SLC9B1: variants seen among roughly 807,000 people sequenced by gnomAD.
SLC9B1 encodes the protein solute carrier family 9 member B1, also known as sodium/hydrogen exchanger 9B1.
SLC9B1 carries 32 observed loss-of-function variants against 51.7 expected under a neutral mutation model. The observed-to-expected ratio is 0.62, with a 90% CI of 0.47 to 0.83. The LOEUF (loss-of-function observed/expected upper bound fraction) is 0.83. Ranked by LOEUF, SLC9B1 falls within the 40% of genes least tolerant of loss-of-function variation. The pLI is 0.00. For missense variants in SLC9B1, 406 were observed against 613.2 expected (o/e 0.66, Z 3.57); for synonymous variants, 145 against 212.7 (o/e 0.68, Z 2.77).
At chr4:102,957,783 T>C (rs564931276) in intron 3 of SLC9B1, among the ~76,000 whole-genome samples, 3 of 139,550 alleles carry the variant, frequency 2.1e-5, no homozygotes, top group South Asian at 2.2e-4. Context: ...TGTGTGTATA[T>C]GTGTGTGTGT....
intron 3 of SLC9B1, chr4:102,962,187 T>C: frequency 1.9e-6 from 1 of 513,718 alleles, no homozygotes; most frequent in Non-Finnish European, 3.9e-6. Context: ...CTTTCTTGCA[T>C]TTCTATCAGA....
intron 3 of SLC9B1, among the ~76,000 whole-genome samples, chr4:102,987,217 T>G (rs1307192397): frequency 6.6e-6 from 1 of 152,124 alleles, no homozygotes; most frequent in African/African-American, 2.4e-5. Context: ...TTTTTTTCAC[T>G]CCCTTAGTTG....
intron 7 of SLC9B1, among the ~76,000 whole-genome samples, chr4:102,930,004 GT>G (rs1459850342): frequency 6.6e-6 from 1 of 152,114 alleles, no homozygotes; most frequent in African/African-American, 2.4e-5. Flanking sequence ...TAAAACAAAG[GT>G]TTTCATTCTC....
chr4:103,003,534 A>G (rs1740634534), intron 1 of SLC9B1, among the ~76,000 whole-genome samples: 1 of 152,196 alleles, frequency 6.6e-6, no homozygotes, highest in African/African-American at 2.4e-5. Flanking sequence ...TTGTAGAAAC[A>G]CCTCAATCTA....
chr4:102,956,033 T>G (rs115044539), intron 3 of SLC9B1, among the ~76,000 whole-genome samples: 1,547 of 152,254 alleles, frequency 0.01, 34 homozygotes, highest in African/African-American at 0.034. Flanking sequence ...GCTGCTTTTC[T>G]TCTGGGAGTC....
At chr4:102,986,783 C>T (rs535213202) in intron 3 of SLC9B1, among the ~76,000 whole-genome samples, 40 of 152,272 alleles carry the variant, frequency 2.6e-4, no homozygotes, top group African/African-American at 8.4e-4. Flanking sequence ...AGGCATTCTT[C>T]ATTTGTTACA....
chr4:102,935,989 A>G (rs555340768), intron 6 of SLC9B1, among the ~76,000 whole-genome samples: 4 of 152,312 alleles, frequency 2.6e-5, no homozygotes, highest in African/African-American at 9.6e-5. Context: ...CCTTGCTACA[A>G]TCACTACAAT....
In SLC9B1 at chr4:102,991,680, A is replaced by G. The variant is rs746299509; in HGVS notation, c.32T>C (p.Leu11Ser). ...AGATGTTTGGAAGTTTTCATCCTCC[A>G]AATGTTCATTTTTTGATTCTGTGGT... MHTTESKNEH[L>S]EDENFQTSTT... is the part of the protein sequence containing the mutation. Residue 11 changes from leucine to serine, a missense_variant, in exon 2 of 12, where the codon TTG becomes TCG. Physicochemically the swap from Leu to Ser is moderately radical, Grantham distance 145. Transcript: ENST00000296422. The G allele has an allele frequency of 1.3e-6, 2 of 1,590,148 alleles. No individual in the cohort carries two copies. The highest frequency in any genetic ancestry group is 2.3e-5 in the South Asian group (2 of 88,102).
chr4:102,947,560 C>T (rs1400013168), intron 4 of SLC9B1, among the ~76,000 whole-genome samples: 2 of 152,122 alleles, frequency 1.3e-5, no homozygotes, highest in African/African-American at 4.8e-5. Flanking sequence ...GCTATATTGC[C>T]CAGGCTGGTT....
intron 3 of SLC9B1, chr4:102,962,346 T>C: frequency 9.3e-6 from 5 of 538,806 alleles, no homozygotes; most frequent in Admixed American, 7.7e-5. Flanking sequence ...ACTGGGATAT[T>C]ATGGAAAGGT....
At chr4:102,931,958 C>A (rs1015694748) in intron 7 of SLC9B1, among the ~76,000 whole-genome samples, 166 bp downstream of exon 7, 26 of 152,164 alleles carry the variant, frequency 1.7e-4, no homozygotes, top group Non-Finnish European at 7.3e-5. Flanking sequence ...TCTTAAGCCA[C>A]TGAAATATCT....
intron 3 of SLC9B1, among the ~76,000 whole-genome samples, chr4:102,955,835 A>AAGAG (rs200790469): frequency 1.7e-4 from 23 of 137,782 alleles, no homozygotes; most frequent in Middle Eastern, 3.5e-3. Context: ...GGAAGAAAGA[A>AAGAG]AGAGAGAGAG....
chr4:102,961,780 G>A (rs1370753961), intron 3 of SLC9B1, among the ~76,000 whole-genome samples: 1 of 152,174 alleles, frequency 6.6e-6, no homozygotes, highest in Admixed American at 6.5e-5. Context: ...GTGCAGGTTT[G>A]TTACATAGGT....
intron 3 of SLC9B1, among the ~76,000 whole-genome samples, chr4:102,974,245 A>AAAAAAT (rs1738933374): frequency 2.2e-5 from 3 of 138,378 alleles, no homozygotes; most frequent in African/African-American, 5.9e-5. Context: ...TAAAATTGAA[A>AAAAAAT]AAAAAAAAAA....
chr4:102,949,541 A>G, intron 3 of SLC9B1, 114 bp from the exon 4 acceptor site: 1 of 710,784 alleles, frequency 1.4e-6, no homozygotes, highest in African/African-American at 1.8e-5. Flanking sequence ...AAAATGATAC[A>G]TGGTATAGAT....
chr4:102,886,204 G>A (rs1733903539), intron 11 of SLC9B1, among the ~76,000 whole-genome samples: 1 of 152,026 alleles, frequency 6.6e-6, no homozygotes, highest in Non-Finnish European at 1.5e-5. Flanking sequence ...ACGAATACAC[G>A]CAGGCCAGGC....
chr4:102,994,164 A>G (rs1323622822), intron 1 of SLC9B1, among the ~76,000 whole-genome samples: 1 of 151,950 alleles, frequency 6.6e-6, no homozygotes, highest in East Asian at 1.9e-4. Flanking sequence ...TTTTTTTTCT[A>G]TTGCATCATC....
At chr4:102,993,774 C>T (rs1236334973) in intron 1 of SLC9B1, among the ~76,000 whole-genome samples, 1 of 152,172 alleles carries the variant, frequency 6.6e-6, no homozygotes, top group South Asian at 2.1e-4. Context: ...GGTGGAGGTT[C>T]CCAAAGCTCA....
At chr4:102,907,245 C>T (rs1218852467) in intron 9 of SLC9B1, among the ~76,000 whole-genome samples, 1 of 152,084 alleles carries the variant, frequency 6.6e-6, no homozygotes, top group East Asian at 1.9e-4. Context: ...CAGATTTTGT[C>T]TGTAAAGTAA....
Sources: gnomAD v4.1 joint callset for allele counts (sites outside exome capture counted in the v4.1 genomes callset) on GRCh38, gnomAD v4.1.1 for gene constraint, MANE v1.5 for transcripts, NCBI Gene and HGNC (gene_info 2026-07-23, HGNC 2026-07-21) for gene names.